Variants in KPNA1 observed in about 807,000 individuals in gnomAD.
KPNA1 encodes the protein karyopherin subunit alpha 1.
A neutral mutation model predicts 70.5 loss-of-function variants in KPNA1; 10 were observed. The observed-to-expected ratio is 0.14, with a 90% CI of 0.09 to 0.24. KPNA1 has a LOEUF of 0.24. Among genes scored for constraint, KPNA1 ranks in the 10% least tolerant of loss-of-function variants. The pLI, the probability that KPNA1 is intolerant of heterozygous loss-of-function variation, is 1.00. For missense variants in KPNA1, 397 were observed against 637.9 expected (o/e 0.62, Z 4.07); for synonymous variants, 192 against 221.9 (o/e 0.87, Z 1.20).
chr3:122,502,535 G>C lies in KPNA1; in HGVS notation c.-5-5965C>G, dbSNP rs143764688. On this transcript the variant is annotated intron_variant, in intron 1 of 13. Transcript: ENST00000344337. Reference sequence around the variant, plus strand: ...CCTTGATCTGGAATTCTAGCCTTCAGAACTGTGAGAAAATAAATTTCTGCT... The same window carrying C: ...CCTTGATCTGGAATTCTAGCCTTCACAACTGTGAGAAAATAAATTTCTGCT... Among the ~76,000 whole-genome samples the C allele has an allele frequency of 4.2e-3, 640 of 152,344 alleles. 12 individuals carry two copies. The East Asian group carries it at 0.057, about 13-fold the overall frequency.
intron 5 of KPNA1, among the ~76,000 whole-genome samples, chr3:122,459,222 T>C (rs1299116990): frequency 6.6e-6 from 1 of 152,140 alleles, no homozygotes; most frequent in African/African-American, 2.4e-5. Context: ...TTTTAAGGAG[T>C]ACAAGGGAAT....
chr3:122,471,866 C>T (rs1156350176), intron 2 of KPNA1, among the ~76,000 whole-genome samples: 3 of 152,164 alleles, frequency 2.0e-5, no homozygotes, highest in African/African-American at 7.2e-5. Context: ...TCAAGGATAA[C>T]TTTTATCAAG....
At chr3:122,434,742 T>C (rs1043404040) in intron 11 of KPNA1, among the ~76,000 whole-genome samples, 7 of 152,216 alleles carry the variant, frequency 4.6e-5, no homozygotes, top group African/African-American at 1.2e-4. Context: ...AACACTAAAG[T>C]AGCCTTCCCA....
chr3:122,495,521 T>G (rs2076749237), intron 2 of KPNA1, among the ~76,000 whole-genome samples: 1 of 152,126 alleles, frequency 6.6e-6, no homozygotes, highest in African/African-American at 2.4e-5. Context: ...ATACTGAGGT[T>G]GTAATGTACT....
chr3:122,424,115 A>C lies in KPNA1; in HGVS notation c.*2870T>G, dbSNP rs1301515204. ...ATTCTCTTAATGCTTTTTTTCCCCC[A>C]CCAAAGTTCTCATTACAAATAATAT... On this transcript the variant is annotated 3_prime_UTR_variant, in exon 14 of 14. Transcript: ENST00000344337. 1 of 152,008 alleles carries C rather than the reference A, an allele frequency of 6.6e-6. No homozygotes were observed. 9.4% of individuals were successfully genotyped at this position (152,008 alleles called of 1,614,324 possible).
intron 9 of KPNA1, among the ~76,000 whole-genome samples, chr3:122,444,257 T>C (rs1269388597): frequency 6.6e-6 from 1 of 152,214 alleles, no homozygotes; most frequent in Non-Finnish European, 1.5e-5. Flanking sequence ...TCTTGTTCTT[T>C]TAGAATGCCC....
chr3:122,455,825 G>C (rs762757451), intron 5 of KPNA1, among the ~76,000 whole-genome samples: 5 of 152,040 alleles, frequency 3.3e-5, no homozygotes, highest in African/African-American at 4.8e-5. Context: ...CAAAGTGCTG[G>C]GATTACAAGC....
intron 2 of KPNA1, among the ~76,000 whole-genome samples, chr3:122,492,149 C>T (rs1264900617): frequency 1.3e-5 from 2 of 152,040 alleles, no homozygotes; most frequent in Non-Finnish European, 2.9e-5. Flanking sequence ...CGTGAGCCAC[C>T]GTGCCCGGCC....
chr3:122,464,477 CTCCAG>C (rs2076359107), intron 3 of KPNA1, among the ~76,000 whole-genome samples: 1 of 152,134 alleles, frequency 6.6e-6, no homozygotes, highest in Non-Finnish European at 1.5e-5. Context: ...TTCTGTGTTC[CTCCAG>C]TATACTGTAA....
chr3:122,455,440 G>A (rs2076253942), intron 5 of KPNA1, among the ~76,000 whole-genome samples: 1 of 152,142 alleles, frequency 6.6e-6, no homozygotes, highest in African/African-American at 2.4e-5. Flanking sequence ...CAGATATCAT[G>A]AAATAAAAAT....
intron 5 of KPNA1, among the ~76,000 whole-genome samples, chr3:122,455,127 T>C (rs540650480): frequency 6.6e-6 from 1 of 152,348 alleles, no homozygotes; most frequent in African/African-American, 2.4e-5. Flanking sequence ...AGCTTCCAGA[T>C]TAACTAAAAG....
intron 5 of KPNA1, among the ~76,000 whole-genome samples, chr3:122,455,052 C>T (rs1340940338): frequency 1.3e-5 from 2 of 152,128 alleles, no homozygotes; most frequent in Non-Finnish European, 2.9e-5. Flanking sequence ...AAGAAAAATT[C>T]CATGGCATGT....
At chr3:122,450,958 C>T (rs912720271) in intron 8 of KPNA1, among the ~76,000 whole-genome samples, 1 of 152,018 alleles carries the variant, frequency 6.6e-6, no homozygotes, top group Non-Finnish European at 1.5e-5. Context: ...GACGCAAAAG[C>T]GTAAGAATGA....
intron 1 of KPNA1, among the ~76,000 whole-genome samples, chr3:122,500,900 T>A (rs2076821331): frequency 6.6e-6 from 1 of 151,872 alleles, no homozygotes; most frequent in African/African-American, 2.4e-5. Flanking sequence ...CTCTATGTCA[T>A]TAATTTTCAC....
At chr3:122,506,898 T>C (rs1013744627) in intron 1 of KPNA1, among the ~76,000 whole-genome samples, 3 of 152,208 alleles carry the variant, frequency 2.0e-5, no homozygotes, top group Non-Finnish European at 4.4e-5. Context: ...CTGAATTGAA[T>C]ACTTCCACTT....
intron 12 of KPNA1, among the ~76,000 whole-genome samples, chr3:122,430,094 G>A (rs2075880957): frequency 6.6e-6 from 1 of 151,660 alleles, no homozygotes; most frequent in Non-Finnish European, 1.5e-5. Context: ...TTCAGTGCTG[G>A]GAATCCTTTT....
chr3:122,463,078 G>A (rs1453898036), intron 4 of KPNA1, among the ~76,000 whole-genome samples: 9 of 152,092 alleles, frequency 5.9e-5, no homozygotes, highest in East Asian at 3.9e-4. Flanking sequence ...AAGGCCGGGC[G>A]CAGTGGCTCA....
intron 1 of KPNA1, among the ~76,000 whole-genome samples, chr3:122,504,860 GC>G (rs1215115511): frequency 2.6e-5 from 4 of 152,060 alleles, no homozygotes; most frequent in Admixed American, 2.0e-4. Flanking sequence ...GAGATTCGTT[GC>G]CCCCTCTTAG....
intron 4 of KPNA1, among the ~76,000 whole-genome samples, chr3:122,463,475 C>T (rs1410178019): frequency 6.7e-6 from 1 of 150,028 alleles, no homozygotes; most frequent in Non-Finnish European, 1.5e-5. Context: ...GAGCCAAGAT[C>T]GCGCCCAGCC....
Sources: allele counts gnomAD v4.1 joint callset (sites outside exome capture counted in the v4.1 genomes callset), GRCh38; gene constraint gnomAD v4.1.1; transcripts MANE v1.5; gene names NCBI Gene and HGNC (gene_info 2026-07-23, HGNC 2026-07-21).